The following RABL3 variants were observed in gnomAD, a reference collection of about 807,000 sequenced individuals.
RABL3 encodes the protein rab-like protein 3.
Under a neutral mutation model 31.8 loss-of-function variants are expected in RABL3, and 31 were observed. The observed-to-expected ratio is 0.97, with a 90% CI of 0.73 to 1.31. RABL3 has a LOEUF of 1.31. Among genes scored for constraint, RABL3 ranks in the 40% most tolerant of loss-of-function variants. The pLI is 0.00. For synonymous variants in RABL3, 97 were observed against 99.9 expected (o/e 0.97, Z 0.18); for missense variants, 263 against 279.6 (o/e 0.94, Z 0.42).
intron 3 of RABL3, among the ~76,000 whole-genome samples, chr3:120,706,973 A>G (rs1357653076): frequency 6.6e-6 from 1 of 152,190 alleles, no homozygotes; most frequent in East Asian, 1.9e-4. Context: ...TAGACAAAAG[A>G]GGAAAAACTT....
chr3:120,742,223 G>T (rs1386876580), intron 1 of RABL3, among the ~76,000 whole-genome samples: 2 of 149,566 alleles, frequency 1.3e-5, no homozygotes, highest in South Asian at 2.1e-4. Flanking sequence ...CTGGGAGACC[G>T]ATGCGGAAAG....
At chr3:120,733,608 T>G (rs966363189) in intron 1 of RABL3, among the ~76,000 whole-genome samples, 1 of 152,214 alleles carries the variant, frequency 6.6e-6, no homozygotes, top group Non-Finnish European at 1.5e-5. Context: ...GCTTTTGGTG[T>G]TTTAGACATG....
chr3:120,689,996 T>C, intron 7 of RABL3, 108 bp from the exon 8 acceptor site: 1 of 815,632 alleles, frequency 1.2e-6, no homozygotes, highest in Non-Finnish European at 2.0e-6. Context: ...TGCTGTTTCT[T>C]AAAAAAACAA....
chr3:120,739,395 G>A (rs1370782072), intron 1 of RABL3, among the ~76,000 whole-genome samples: 1 of 140,858 alleles, frequency 7.1e-6, no homozygotes, highest in Non-Finnish European at 1.6e-5. Context: ...CGGGCAGTGG[G>A]GGAGTGACAG....
At chr3:120,693,411 TAGG>T (rs1261801994) in intron 6 of RABL3, among the ~76,000 whole-genome samples, 2 of 152,246 alleles carry the variant, frequency 1.3e-5, no homozygotes, top group Admixed American at 6.5e-5. Context: ...ATGATTTTCT[TAGG>T]AGATGTCACT....
At chr3:120,722,005 G>A (rs1708748416) in intron 2 of RABL3, 1 of 152,080 alleles carries the variant, frequency 6.6e-6, no homozygotes, top group Non-Finnish European at 1.5e-5. Context: ...AATCAAACGA[G>A]AACTCAGGAT....
chr3:120,690,528 T>G, intron 6 of RABL3, 41 bp from the exon 7 acceptor site: 2 of 1,485,654 alleles, frequency 1.3e-6, no homozygotes. Context: ...CACACATACC[T>G]GCAAAAAGTG....
At chr3:120,696,844 G>A (rs1324545942) in intron 5 of RABL3, among the ~76,000 whole-genome samples, 1 of 152,042 alleles carries the variant, frequency 6.6e-6, no homozygotes, top group Non-Finnish European at 1.5e-5. Context: ...GACTACCTGG[G>A]GTATGCACAT....
rs1342895568 is a variant in RABL3 at position 120,698,521 on chromosome 3, C to G, written c.436G>C (p.Gly146Arg). 2 of 1,613,562 alleles carry G rather than the reference C, an allele frequency of 1.2e-6. No homozygotes were observed. Among genetic ancestry groups the G allele is most frequent in the East Asian group, 2.2e-5 (1 of 44,840 alleles). Reference protein sequence around the residue: ...ADNQIPLLVIGTKLDQIHETK... With the variant: ...ADNQIPLLVIRTKLDQIHETK... ...TCATGAATCTGGTCCAGTTTAGTCCCTATTACCAACAGTGGTATTTGGTTA... is the reference window on the plus strand; with the variant it reads ...TCATGAATCTGGTCCAGTTTAGTCCGTATTACCAACAGTGGTATTTGGTTA... The change falls in exon 5 of 8, where the codon GGG becomes CGG. Residue 146 changes from glycine to arginine, a missense_variant. Coordinates refer to ENST00000273375, the MANE Select transcript of RABL3 (RefSeq NM_173825.5).
intron 1 of RABL3, among the ~76,000 whole-genome samples, chr3:120,739,004 A>C (rs1371528910): frequency 6.6e-6 from 1 of 152,172 alleles, no homozygotes; most frequent in Non-Finnish European, 1.5e-5. Context: ...CCAGCCATAC[A>C]CTTGAGCCTG....
At chr3:120,717,148 C>T (rs150271204) in intron 2 of RABL3, among the ~76,000 whole-genome samples, 2,761 of 151,700 alleles carry the variant, frequency 0.018, 33 homozygotes, top group Middle Eastern at 0.027. Flanking sequence ...CCCAGCTACT[C>T]GGGAGGCTGA....
intron 2 of RABL3, among the ~76,000 whole-genome samples, chr3:120,730,319 G>C (rs917939291): frequency 2.6e-5 from 4 of 152,132 alleles, no homozygotes; most frequent in Admixed American, 2.6e-4. Flanking sequence ...AGCTCCAGGA[G>C]CTTTTGCCTT....
At chr3:120,735,330 G>A (rs1227646897) in intron 1 of RABL3, among the ~76,000 whole-genome samples, 11 of 152,224 alleles carry the variant, frequency 7.2e-5, no homozygotes, top group South Asian at 6.2e-4. Context: ...GTTTATTTGC[G>A]TAGAGGTGTT....
Position 120,688,039 on chromosome 3 carries a change from G to C in RABL3, c.*1784C>G, listed in dbSNP as rs4676823. The C allele has an allele frequency of 0.88, 133,483 of 152,050 alleles. 59,954 individuals are homozygous for C. Among genetic ancestry groups the C allele is most frequent in the East Asian group, 0.98 (5,087 of 5,180 alleles). 9.4% of individuals were successfully genotyped at this position (152,050 alleles called of 1,614,324 possible). On this transcript the variant is annotated 3_prime_UTR_variant, in exon 8 of 8. Coordinates refer to ENST00000273375, the MANE Select transcript of RABL3 (RefSeq NM_173825.5). ...CTCAAACTCCTGATATCAAGTGATCGACCCGCCTCCCAAAGTGTTGGGATT... is the reference window on the plus strand; with the variant it reads ...CTCAAACTCCTGATATCAAGTGATCCACCCGCCTCCCAAAGTGTTGGGATT...
chr3:120,740,132 T>C (rs1709023529), intron 1 of RABL3, among the ~76,000 whole-genome samples: 2 of 152,194 alleles, frequency 1.3e-5, no homozygotes, highest in East Asian at 3.8e-4. Flanking sequence ...TGTTTGGTAA[T>C]ATGTTAAACT....
rs912919574 is a variant in RABL3, at chr3:120,689,698, A to G, written c.*125T>C. 18 of 694,094 alleles carry G rather than the reference A, an allele frequency of 2.6e-5. No homozygotes were observed. In the Admixed American group the frequency reaches 3.9e-4, roughly 15 times the overall value. 43.0% of individuals were successfully genotyped at this position (694,094 alleles called of 1,614,324 possible). A position where few individuals can be genotyped will look rare whatever the true frequency, so the allele number is the denominator to read the frequency against. ...TCCTTTCATTTTTCCATTAAAGGGT[A>G]AGGCTGAAGGGTAGCATTTTAAGAT... is the stretch of plus-strand genomic sequence containing the variant. On this transcript the variant is annotated 3_prime_UTR_variant, in exon 8 of 8. Coordinates refer to ENST00000273375, the MANE Select transcript of RABL3 (RefSeq NM_173825.5).
chr3:120,733,654 G>A (rs1708916255), intron 1 of RABL3, among the ~76,000 whole-genome samples: 1 of 152,190 alleles, frequency 6.6e-6, no homozygotes, highest in African/African-American at 2.4e-5. Flanking sequence ...GAATGGTATT[G>A]CCTAGGTTTT....
chr3:120,721,565 T>C (rs1006119823), intron 2 of RABL3, among the ~76,000 whole-genome samples: 3 of 151,322 alleles, frequency 2.0e-5, no homozygotes, highest in Non-Finnish European at 4.4e-5. Context: ...CCAACAAAGA[T>C]CAAAAGAGAC....
intron 3 of RABL3, among the ~76,000 whole-genome samples, chr3:120,707,341 A>T (rs1708560484): frequency 6.6e-6 from 1 of 152,160 alleles, no homozygotes; most frequent in Non-Finnish European, 1.5e-5. Flanking sequence ...AGGGGTTTTA[A>T]TCAGCATCAG....
Sources: gnomAD v4.1 joint callset for allele counts (sites outside exome capture counted in the v4.1 genomes callset) on GRCh38, gnomAD v4.1.1 for gene constraint, MANE v1.5 for transcripts, NCBI Gene and HGNC (gene_info 2026-07-23, HGNC 2026-07-21) for gene names.